SORL1: variants seen among roughly 807,000 people sequenced by gnomAD.
The protein encoded by SORL1 is sortilin-related receptor.
A neutral mutation model predicts 273.7 loss-of-function variants in SORL1; 127 were observed. The observed-to-expected ratio is 0.46, with a 90% CI of 0.40 to 0.54. The LOEUF (loss-of-function observed/expected upper bound fraction) is 0.54, where lower values mean the gene tolerates loss of function less well. Among genes scored for constraint, SORL1 ranks in the 20% least tolerant of loss-of-function variants. SORL1 has a pLI of 0.00. For missense variants in SORL1, 2,494 were observed against 2,846.1 expected, an observed-to-expected ratio of 0.88 and a Z score of 2.81; for synonymous variants, 1,031 against 1,067.4, an observed-to-expected ratio of 0.97 and a Z score of 0.66.
chr11:121,577,628 C>G (rs576619899), intron 25 of SORL1, among the ~76,000 whole-genome samples: 1 of 152,202 alleles, frequency 6.6e-6, no homozygotes, highest in Non-Finnish European at 1.5e-5. Context: ...TGAGTGATAT[C>G]GTTGATTTAT....
At chr11:121,506,547 A>G (rs1055320829) in intron 6 of SORL1, among the ~76,000 whole-genome samples, 6 of 152,186 alleles carry the variant, frequency 3.9e-5, no homozygotes, top group Non-Finnish European at 8.8e-5. Flanking sequence ...ACTATCATGG[A>G]AAAGACCTGC....
intron 6 of SORL1, among the ~76,000 whole-genome samples, chr11:121,509,915 G>A (rs1406618692): frequency 6.6e-6 from 1 of 152,204 alleles, no homozygotes; most frequent in African/African-American, 2.4e-5. Flanking sequence ...ATTTGTGGAT[G>A]TATTAGTTGG....
At chr11:121,551,067 A>G (rs937853008) in intron 16 of SORL1, among the ~76,000 whole-genome samples, 2 of 152,260 alleles carry the variant, frequency 1.3e-5, no homozygotes, top group African/African-American at 2.4e-5. Context: ...ATTTTATAAT[A>G]AAACTAACTG....
chr11:121,555,738 A>G (rs1862570759), intron 18 of SORL1, among the ~76,000 whole-genome samples: 1 of 152,172 alleles, frequency 6.6e-6, no homozygotes, highest in African/African-American at 2.4e-5. Flanking sequence ...AGTGATAGCA[A>G]CAATATCATC....
At chr11:121,623,855 C>T (rs188640395) in intron 45 of SORL1, among the ~76,000 whole-genome samples, 29 of 152,288 alleles carry the variant, frequency 1.9e-4, no homozygotes, top group East Asian at 1.9e-4. Context: ...TGTATTAGTC[C>T]GTTTCCACAG....
intron 20 of SORL1, 137 bp downstream of exon 20, chr11:121,558,974 C>A (rs907619728): frequency 4.4e-6 from 5 of 1,149,240 alleles, no homozygotes; most frequent in Non-Finnish European, 6.1e-6. Context: ...TTTGAGATAA[C>A]TTATTTTCAG....
chr11:121,543,496 C>A, intron 12 of SORL1, 52 bp from the exon 13 acceptor site: 1 of 1,489,508 alleles, frequency 6.7e-7, no homozygotes, highest in Non-Finnish European at 9.3e-7. Context: ...GAAACCAAGC[C>A]TTTGCCTTAG....
At chr11:121,530,324 C>T (rs969016350) in intron 11 of SORL1, among the ~76,000 whole-genome samples, 4 of 151,918 alleles carry the variant, frequency 2.6e-5, no homozygotes, top group Admixed American at 1.3e-4. Flanking sequence ...TTTCCTGTAG[C>T]GAGATCTGTT....
Position 121,627,114 on chromosome 11 carries a change from T to A in SORL1, c.6365-441T>A, listed in dbSNP as rs905995847. The stretch of plus-strand genomic sequence containing the variant: ...CTCGTTTGTATCACTTAATGGAGCT[T>A]CAGGTAATTGCAGTTCAGAGTGACT... On this transcript the variant is annotated intron_variant, in intron 46 of 47. Transcript: ENST00000260197. This position sits in a 1 kb window ranked among gnomAD's most constrained non-coding sequence, Gnocchi z 4.9. 5.5e-6 allele frequency: 1 copy of A among 180,546 alleles called. No homozygotes were observed. The highest frequency in any genetic ancestry group is 1.2e-5 in the Non-Finnish European group (1 of 83,508). 11.2% of individuals were successfully genotyped at this position (180,546 alleles called of 1,614,324 possible). A position where few individuals can be genotyped will look rare whatever the true frequency, so the allele number is the denominator to read the frequency against.
At chr11:121,586,549 G>A (rs139086678) in intron 27 of SORL1, among the ~76,000 whole-genome samples, 6 of 152,252 alleles carry the variant, frequency 3.9e-5, no homozygotes, top group African/African-American at 1.4e-4. Context: ...AGGGTTGGGG[G>A]CGATGGTGGG....
intron 8 of SORL1, among the ~76,000 whole-genome samples, chr11:121,520,009 G>C (rs1344664051): frequency 2.0e-5 from 3 of 152,198 alleles, no homozygotes; most frequent in Non-Finnish European, 4.4e-5. Context: ...CCAGCACTTT[G>C]GGAGGCCAAG....
Position 121,490,079 on chromosome 11 carries a change from A to G in SORL1, c.727A>G (p.Met243Val). ...KSDDFGQTWIMIQEHVKSFSW... is the reference protein window; with the variant it reads ...KSDDFGQTWIVIQEHVKSFSW... Reference sequence around the variant, plus strand: ...AGATGACTTTGGCCAGACCTGGATCATGATTCAGGAACATGTCAAGTCCTT... The same window carrying G: ...AGATGACTTTGGCCAGACCTGGATCGTGATTCAGGAACATGTCAAGTCCTT... Residue 243 changes from methionine (M) to valine (V), a missense_variant, in exon 5 of 48, where the codon ATG becomes GTG. This residue lies in a region of SORL1 where 710 missense variants were observed against 882.5 expected (regional missense o/e 0.80). Transcript: ENST00000260197. 2 of 1,614,034 alleles carry G rather than the reference A, an allele frequency of 1.2e-6. No individual in the cohort carries two copies. The highest frequency in any genetic ancestry group is 1.7e-6 in the Non-Finnish European group (2 of 1,179,858).
intron 12 of SORL1, among the ~76,000 whole-genome samples, chr11:121,542,494 G>T (rs187825870): frequency 1.3e-5 from 2 of 151,752 alleles, no homozygotes; most frequent in African/African-American, 4.8e-5. Flanking sequence ...AGCAGTTATC[G>T]TGTAGAATAT....
At chr11:121,585,536 C>CACAT in intron 26 of SORL1, among the ~76,000 whole-genome samples, 1 of 149,538 alleles carries the variant, frequency 6.7e-6, no homozygotes, top group Non-Finnish European at 1.5e-5. Flanking sequence ...CACACACACA[C>CACAT]ACTTATCAAA....
At chr11:121,523,074 C>A in intron 11 of SORL1, 85 bp downstream of exon 11, 1 of 914,592 alleles carries the variant, frequency 1.1e-6, no homozygotes, top group Non-Finnish European at 1.8e-6. Flanking sequence ...ATTTCAGGGA[C>A]ACAAATGGTC....
At chr11:121,616,655 C>T (rs925372000) in intron 41 of SORL1, among the ~76,000 whole-genome samples, 2 of 152,252 alleles carry the variant, frequency 1.3e-5, no homozygotes, top group African/African-American at 4.8e-5. Context: ...TTCCTACATC[C>T]TCCCAGGCGA....
intron 11 of SORL1, among the ~76,000 whole-genome samples, chr11:121,530,881 G>T (rs916972070): frequency 8.6e-5 from 13 of 152,034 alleles, no homozygotes; most frequent in Non-Finnish European, 1.8e-4. Flanking sequence ...AATTTCTACA[G>T]ATCTATATTT....
At chr11:121,590,376 C>T (rs918798899) in intron 30 of SORL1, 11 of 556,378 alleles carry the variant, frequency 2.0e-5, no homozygotes, top group East Asian at 6.1e-5. Context: ...CTATTTATTC[C>T]GTATTTGCAG....
chr11:121,547,722 A>G (rs1400762467), intron 14 of SORL1, among the ~76,000 whole-genome samples: 2 of 151,846 alleles, frequency 1.3e-5, no homozygotes, highest in Non-Finnish European at 2.9e-5. Context: ...ACCCCTCCCA[A>G]TTGTTTCTCT....
Sources: gnomAD v4.1 joint callset for allele counts (sites outside exome capture counted in the v4.1 genomes callset) on GRCh38, gnomAD v4.1.1 for gene constraint, gnomAD v4.1.1 regional missense constraint, Gnocchi (gnomAD v3.1) non-coding constraint, MANE v1.5 for transcripts, NCBI Gene and HGNC (gene_info 2026-07-23, HGNC 2026-07-21) for gene names.